NEMP2: variants seen among roughly 807,000 people sequenced by gnomAD.
The protein encoded by NEMP2 is nuclear envelope integral membrane protein 2.
NEMP2 carries 53 observed loss-of-function variants against 54.2 expected under a neutral mutation model. That is an observed-to-expected ratio of 0.98 (90% confidence interval 0.78 to 1.23). NEMP2 has a LOEUF of 1.23. Among genes scored for constraint, NEMP2 ranks in the 50% most tolerant of loss-of-function variants. NEMP2 has a pLI of 0.00. For missense variants in NEMP2, 455 were observed against 511.3 expected (o/e 0.89, Z 1.06); for synonymous variants, 197 against 190.3 (o/e 1.04, Z -0.29).
At chr2:190,597,340 A>AG in the NEMP2 span, among the ~76,000 whole-genome samples, 4 of 151,796 alleles carry the variant, frequency 2.6e-5, no homozygotes, top group Non-Finnish European at 5.9e-5. The surrounding 1 kb of genome is among the most constrained non-coding windows in gnomAD (Gnocchi z 4.7). Context: ...GATAAAGGGG[A>AG]GAAAAAAAAA....
At position 190,533,768 on chromosome 2, in the gene NEMP2, T is replaced by C. The variant is rs1691245377; in HGVS notation, c.97+791A>G. On this transcript the variant is annotated intron_variant, in intron 1 of 8. Coordinates refer to ENST00000409150, the MANE Select transcript of NEMP2 (RefSeq NM_001142645.2). This position sits in a 1 kb window ranked among gnomAD's most constrained non-coding sequence, Gnocchi z 4.3. ...CCAGGAAATCTTTTAAAAGATTTTATGAGGGGAAAAAAAAAAAGAAACAGA... is the reference window on the plus strand; with the variant it reads ...CCAGGAAATCTTTTAAAAGATTTTACGAGGGGAAAAAAAAAAAGAAACAGA... 1.5e-5 allele frequency among the ~76,000 whole-genome samples: 2 copies of C among 135,194 alleles called. No individual in the cohort carries two copies. The highest frequency in any genetic ancestry group is 2.4e-4 in the East Asian group (1 of 4,242). The allele number at this position is 135,194 out of a possible 152,430, so 88.7% of individuals were successfully genotyped here.
At chr2:190,437,402 G>A in the NEMP2 span, 5 of 1,614,226 alleles carry the variant, frequency 3.1e-6, no homozygotes, top group Non-Finnish European at 4.2e-6. The surrounding 1 kb of genome is among the most constrained non-coding windows in gnomAD (Gnocchi z 5.9). Flanking sequence ...TGGTTCATGG[G>A]TTTTGGATAT....
chr2:190,509,972 C>T lies in NEMP2; in HGVS notation c.1130+389G>A, dbSNP rs555504532. Among the ~76,000 whole-genome samples the T allele has an allele frequency of 1.3e-5, 2 of 152,304 alleles. No individual in the cohort carries two copies. Among genetic ancestry groups the T allele is most frequent in the South Asian group, 4.1e-4 (2 of 4,822 alleles). On this transcript the variant is annotated intron_variant, in intron 8 of 8. Coordinates refer to ENST00000409150, the MANE Select transcript of NEMP2 (RefSeq NM_001142645.2). This position sits in a 1 kb window ranked among gnomAD's most constrained non-coding sequence, Gnocchi z 6.1. ...AGGAGAATTGCTTGAACCTGGCAGG[C>T]GGAGGTTGCAATGAGCTGAGATTGC...
chr2:190,571,462 G>A, the NEMP2 span, among the ~76,000 whole-genome samples: 5 of 152,040 alleles, frequency 3.3e-5, no homozygotes, highest in African/African-American at 1.2e-4. Context: ...AGAATCGCTC[G>A]AACTCAGGAG....
the NEMP2 span, chr2:190,469,885 T>A: frequency 6.7e-7 from 1 of 1,498,378 alleles, no homozygotes; most frequent in Non-Finnish European, 9.3e-7. This position sits in a 1 kb window ranked among gnomAD's most constrained non-coding sequence, Gnocchi z 5.3. Context: ...TGAAATTATT[T>A]CTCTGCCTTC....
chr2:190,499,968 TA>T, downstream of NEMP2: 1 of 1,610,142 alleles, frequency 6.2e-7, no homozygotes, highest in Non-Finnish European at 8.5e-7. The surrounding 1 kb of genome is among the most constrained non-coding windows in gnomAD (Gnocchi z 6.0). Context: ...AAGTTGGATT[TA>T]TTTGCTATCA....
chr2:190,517,488 A>AT, intron 5 of NEMP2, 32 bp downstream of exon 5: 3 of 1,443,166 alleles, frequency 2.1e-6, no homozygotes, highest in Non-Finnish European at 2.8e-6. Flanking sequence ...CATGATTTCC[A>AT]TTTTTTACTC....
the NEMP2 span, among the ~76,000 whole-genome samples, chr2:190,421,952 T>C: frequency 6.6e-6 from 1 of 152,178 alleles, no homozygotes; most frequent in Non-Finnish European, 1.5e-5. Flanking sequence ...TCTCTTCTGC[T>C]CCTGACTGTC....
chr2:190,502,258 C>T (rs980941303), downstream of NEMP2: 1 of 152,186 alleles, frequency 6.6e-6, no homozygotes, highest in Non-Finnish European at 1.5e-5. This position sits in a 1 kb window ranked among gnomAD's most constrained non-coding sequence, Gnocchi z 4.4. Flanking sequence ...CTTTTTCTTC[C>T]TGTCCCCAAA....
the NEMP2 span, among the ~76,000 whole-genome samples, chr2:190,453,544 C>T: frequency 7.4e-4 from 113 of 152,222 alleles, 6 homozygotes; most frequent in Non-Finnish European, 4.4e-4. Context: ...ATCAGTGTTA[C>T]TTCTGGAAGC....
At chr2:190,624,467 A>G in the NEMP2 span, 4 of 152,232 alleles carry the variant, frequency 2.6e-5, no homozygotes, top group African/African-American at 9.6e-5. Context: ...AATCCATTTT[A>G]TCCAAAAGAA....
the NEMP2 span, among the ~76,000 whole-genome samples, chr2:190,477,994 T>G: frequency 6.6e-6 from 1 of 152,156 alleles, no homozygotes; most frequent in Non-Finnish European, 1.5e-5. Flanking sequence ...GAATGGCCTC[T>G]TCAGGGAGCA....
chr2:190,638,496 AAT>A, the NEMP2 span, among the ~76,000 whole-genome samples: 1 of 152,160 alleles, frequency 6.6e-6, no homozygotes, highest in Middle Eastern at 3.2e-3. The surrounding 1 kb of genome is among the most constrained non-coding windows in gnomAD (Gnocchi z 5.7). Flanking sequence ...CAGCAATGTC[AAT>A]AGTCCTGACG....
At chr2:190,436,516 A>G in the NEMP2 span, 42 of 1,614,114 alleles carry the variant, frequency 2.6e-5, no homozygotes, top group Non-Finnish European at 3.0e-5. The surrounding 1 kb of genome is among the most constrained non-coding windows in gnomAD (Gnocchi z 5.3). Flanking sequence ...TGTACCAAAG[A>G]TTCGCCCAAC....
chr2:190,566,113 CA>C, the NEMP2 span, among the ~76,000 whole-genome samples: 1 of 151,870 alleles, frequency 6.6e-6, no homozygotes, highest in Non-Finnish European at 1.5e-5. Context: ...AGCCATCTCA[CA>C]GTCTGGGGCA....
chr2:190,489,859 G>GGAA, the NEMP2 span: 1 of 1,613,658 alleles, frequency 6.2e-7, no homozygotes, highest in Non-Finnish European at 8.5e-7. The surrounding 1 kb of genome is among the most constrained non-coding windows in gnomAD (Gnocchi z 6.6). Flanking sequence ...TGCCAGATGA[G>GGAA]GAAGAAGGTA....
rs1690808157 is a variant in NEMP2 at position 190,523,095 on chromosome 2, TA to T, written c.213+2167del. Among the ~76,000 whole-genome samples the T allele has an allele frequency of 6.6e-6, 1 of 151,838 alleles. No individual in the cohort carries two copies. Among genetic ancestry groups the T allele is most frequent in the South Asian group, 2.1e-4 (1 of 4,818 alleles). ...ATAGAGTGGCTTTTTGTCAACAAAC[TA>T]AAAAAATAAAAATAAAAATGATAAT... On this transcript the variant is annotated intron_variant, in intron 2 of 8. Transcript: ENST00000409150. The surrounding 1 kb of genome is among the most constrained non-coding windows in gnomAD (Gnocchi z 5.3).
rs1205640432 is a variant in NEMP2, at chr2:190,511,984, A to G, written c.954-1447T>C. Reference sequence around the variant, plus strand: ...ATATTTATATAATATATATTTAAGTATATATATATTTTTTCTTGAGGGTTA... The same window carrying G: ...ATATTTATATAATATATATTTAAGTGTATATATATTTTTTCTTGAGGGTTA... On this transcript the variant is annotated intron_variant, in intron 7 of 8. Coordinates refer to ENST00000409150, the MANE Select transcript of NEMP2 (RefSeq NM_001142645.2). 1.0e-4 allele frequency among the ~76,000 whole-genome samples: 15 copies of G among 149,924 alleles called. No homozygotes were observed. The Admixed American group carries it at 1.0e-3, about 10-fold the overall frequency.
rs577641845 is a variant in NEMP2 at position 190,533,279 on chromosome 2, T to C, written c.97+1280A>G. Among the ~76,000 whole-genome samples, 1 of 152,358 alleles carries C rather than the reference T, an allele frequency of 6.6e-6. No homozygotes were observed. Among genetic ancestry groups the C allele is most frequent in the African/African-American group, 2.4e-5 (1 of 41,590 alleles). ...ACTTCTAATTTTCTCGCTGTTGCCA[T>C]GCCCAGAAACCTTCCTGCTTAGACA... On this transcript the variant is annotated intron_variant, in intron 1 of 8. Coordinates refer to ENST00000409150, the MANE Select transcript of NEMP2 (RefSeq NM_001142645.2). The surrounding 1 kb of genome is among the most constrained non-coding windows in gnomAD (Gnocchi z 4.3).
Sources: allele counts gnomAD v4.1 joint callset (sites outside exome capture counted in the v4.1 genomes callset), GRCh38; gene constraint gnomAD v4.1.1; non-coding constraint Gnocchi (gnomAD v3.1); transcripts MANE v1.5; gene names NCBI Gene and HGNC (gene_info 2026-07-23, HGNC 2026-07-21).